The following SP6 variants were observed in gnomAD, a reference collection of about 807,000 sequenced individuals.
SP6 encodes transcription factor Sp6.
SP6 carries 10 observed loss-of-function variants against 23.4 expected under a neutral mutation model. That is an observed-to-expected ratio of 0.43 (90% confidence interval 0.26 to 0.72). The LOEUF (loss-of-function observed/expected upper bound fraction) is 0.72, where lower values mean the gene tolerates loss of function less well. Ranked by LOEUF, SP6 falls within the 30% of genes least tolerant of loss-of-function variation. The pLI is 0.23. For missense variants in SP6, 482 were observed against 523.8 expected, an observed-to-expected ratio of 0.92 and a Z score of 0.78; for synonymous variants, 238 against 238.7, an observed-to-expected ratio of 1.00 and a Z score of 0.03.
Position 47,847,940 on chromosome 17 carries a change from G to A in SP6, c.490C>T (p.Pro164Ser). The A allele has an allele frequency of 1.3e-6, 2 of 1,569,382 alleles. No homozygotes were observed. Residue 164 changes from proline to serine, a missense_variant, in exon 2 of 2, where the codon CCG becomes TCG. Pro to Ser is a moderately conservative substitution (Grantham distance 74). This residue lies in a region of SP6 where 330 missense variants were observed against 332.3 expected (regional missense o/e 0.99). Coordinates refer to ENST00000536300, the MANE Select transcript of SP6 (RefSeq NM_001258248.2). ...GYVGDHQLCAPPPHPHAHHLL... is the reference protein window; with the variant it reads ...GYVGDHQLCASPPHPHAHHLL... ...TGGTGCGCATGCGGGTGGGGTGGCG[G>A]GGCACAAAGCTGGTGGTCTCCGACG...
the SP6 span, among the ~76,000 whole-genome samples, chr17:47,872,444 G>C: frequency 2.0e-5 from 3 of 152,216 alleles, no homozygotes; most frequent in Non-Finnish European, 4.4e-5. Flanking sequence ...TGGGCCGTGG[G>C]GGGAGCTACA....
the SP6 span, among the ~76,000 whole-genome samples, chr17:47,867,060 C>T: frequency 2.0e-4 from 31 of 152,228 alleles, 1 homozygote; most frequent in South Asian, 5.0e-3. Context: ...GTTGTGCGGC[C>T]GGCTGGGACG....
At chr17:47,849,497 A>G (rs1055485211) in intron 1 of SP6, among the ~76,000 whole-genome samples, 3 of 152,202 alleles carry the variant, frequency 2.0e-5, no homozygotes, top group African/African-American at 7.2e-5. Context: ...CATCCTAGGC[A>G]TGGATCATTT....
In SP6 at chr17:47,847,688, C is replaced by T; in HGVS notation, c.742G>A (p.Gly248Ser). 1 of 1,608,140 alleles carries T rather than the reference C, an allele frequency of 6.2e-7. No homozygotes were observed. Among genetic ancestry groups the T allele is most frequent in the Non-Finnish European group, 8.5e-7 (1 of 1,176,716 alleles). ...RLGAPCGPDG[G>S]KKKHLHNCHI... ...CAGTTGTGCAAATGCTTCTTCTTGC[C>T]CCCATCGGGCCCACATGGAGCCCCC... Residue 248 changes from glycine to serine, a missense_variant, in exon 2 of 2, where the codon GGC becomes AGC. Around this residue, in one of 3 missense-constraint regions of SP6, gnomAD observed 51 missense variants for 92.1 expected, o/e 0.55. Coordinates refer to ENST00000536300, the MANE Select transcript of SP6 (RefSeq NM_001258248.2).
chr17:47,858,243 C>G (rs1397039257), upstream of SP6, among the ~76,000 whole-genome samples: 1 of 152,098 alleles, frequency 6.6e-6, no homozygotes, highest in East Asian at 1.9e-4. Flanking sequence ...CAGCCTCCCT[C>G]CCCTAAAGAT....
At chr17:47,866,321 T>G in the SP6 span, among the ~76,000 whole-genome samples, 1 of 151,554 alleles carries the variant, frequency 6.6e-6, no homozygotes, top group South Asian at 2.1e-4. Flanking sequence ...TCTGAGAGGG[T>G]TTCTTGGAGA....
the SP6 span, among the ~76,000 whole-genome samples, chr17:47,872,282 C>T: frequency 6.6e-6 from 1 of 152,290 alleles, no homozygotes; most frequent in East Asian, 1.9e-4. Flanking sequence ...TGTATCCAAA[C>T]CAGAAATATC....
chr17:47,860,843 T>C (rs981815725), upstream of SP6, among the ~76,000 whole-genome samples: 1 of 152,242 alleles, frequency 6.6e-6, no homozygotes, highest in Admixed American at 6.5e-5. Flanking sequence ...ACCCTGACAC[T>C]GTGCCCAGTG....
the SP6 span, among the ~76,000 whole-genome samples, chr17:47,866,638 C>G: frequency 2.6e-5 from 4 of 152,184 alleles, no homozygotes; most frequent in African/African-American, 9.7e-5. Context: ...GCTCTGGGAT[C>G]GCATCCGCGG....
At chr17:47,872,637 G>C in the SP6 span, among the ~76,000 whole-genome samples, 1 of 152,196 alleles carries the variant, frequency 6.6e-6, no homozygotes, top group Middle Eastern at 3.2e-3. Flanking sequence ...GCTCCAGTGG[G>C]AGGGGACAGC....
rs747480241 is a variant in SP6, at chr17:47,847,305, G to A, written c.1125C>T (p.Ser375=). The A allele has an allele frequency of 1.9e-6, 3 of 1,545,202 alleles. No homozygotes were observed. The highest frequency in any genetic ancestry group is 2.7e-5 in the African/African-American group (2 of 73,318). ...KREAEGSVAP[S]N ...GGAGGCGGCACTGAGGAGCTCAGTT[G>A]GAGGGAGCCACGCTGCCCTCGGCCT... is the stretch of plus-strand genomic sequence containing the variant. Residue 375 remains serine (S), a synonymous_variant, in exon 2 of 2, where the codon TCC becomes TCT. Transcript: ENST00000536300.
At chr17:47,855,090 C>A (rs576470705), upstream of SP6, among the ~76,000 whole-genome samples, 1 of 152,212 alleles carries the variant, frequency 6.6e-6, no homozygotes, top group East Asian at 1.9e-4. Flanking sequence ...AAGCACAATG[C>A]TGGACACTAA....
chr17:47,868,193 C>T, the SP6 span, among the ~76,000 whole-genome samples: 1 of 152,202 alleles, frequency 6.6e-6, no homozygotes, highest in Non-Finnish European at 1.5e-5. Flanking sequence ...GGCCCCCAAA[C>T]ACTCCCGGGA....
intron 1 of SP6, among the ~76,000 whole-genome samples, chr17:47,849,388 G>T (rs1471407783): frequency 6.6e-6 from 1 of 152,168 alleles, no homozygotes; most frequent in Non-Finnish European, 1.5e-5. Flanking sequence ...CCCTTTAAGT[G>T]ATACAAGGTC....
In SP6 at chr17:47,848,827, G is replaced by A. The variant is rs1258464511; in HGVS notation, c.-57-341C>T. 6.6e-6 allele frequency among the ~76,000 whole-genome samples: 1 copy of A among 151,994 alleles called. No homozygotes were observed. The highest frequency in any genetic ancestry group is 2.4e-5 in the African/African-American group (1 of 41,346). On this transcript the variant is annotated intron_variant, in intron 1 of 1. Transcript: ENST00000536300. This position sits in a 1 kb window ranked among gnomAD's most constrained non-coding sequence, Gnocchi z 5.3. ...CCAGCTGCCCAGGCCAACACAAGGGGCAGTGGCATTTTCCCCCTGCAGACC... is the reference window on the plus strand; with the variant it reads ...CCAGCTGCCCAGGCCAACACAAGGGACAGTGGCATTTTCCCCCTGCAGACC...
the SP6 span, among the ~76,000 whole-genome samples, chr17:47,861,738 C>CT: frequency 6.6e-6 from 1 of 151,164 alleles, no homozygotes; most frequent in African/African-American, 2.4e-5. Flanking sequence ...GAGACTCCGT[C>CT]TGGAAAAAAA....
At chr17:47,874,303 C>G in the SP6 span, among the ~76,000 whole-genome samples, 1 of 152,076 alleles carries the variant, frequency 6.6e-6, no homozygotes, top group Non-Finnish European at 1.5e-5. Flanking sequence ...ATTGCCCAGG[C>G]TGGTCTCGAA....
At chr17:47,873,563 G>A in the SP6 span, among the ~76,000 whole-genome samples, 2 of 152,196 alleles carry the variant, frequency 1.3e-5, no homozygotes, top group African/African-American at 4.8e-5. Flanking sequence ...GTAATCTTGA[G>A]AGAGTTACTT....
At chr17:47,860,168 C>G (rs548435173), upstream of SP6, among the ~76,000 whole-genome samples, 15 of 152,112 alleles carry the variant, frequency 9.9e-5, no homozygotes, top group Non-Finnish European at 1.6e-4. Flanking sequence ...CCATCCTTAC[C>G]GTCCACATAT....
Sources: gnomAD v4.1 joint callset for allele counts (sites outside exome capture counted in the v4.1 genomes callset) on GRCh38, gnomAD v4.1.1 for gene constraint, gnomAD v4.1.1 regional missense constraint, Gnocchi (gnomAD v3.1) non-coding constraint, MANE v1.5 for transcripts, NCBI Gene and HGNC (gene_info 2026-07-23, HGNC 2026-07-21) for gene names.